Variants in NEB observed in about 807,000 individuals in gnomAD.
The protein encoded by NEB is nebulin, also known as nemaline myopathy type 2.
A neutral mutation model predicts 952.2 loss-of-function variants in NEB; 512 were observed. The observed-to-expected ratio is 0.54, with a 90% CI of 0.50 to 0.58. The LOEUF is 0.58. Among genes scored for constraint, NEB ranks in the 20% least tolerant of loss-of-function variants. The pLI is 0.00. For missense variants in NEB, 8,428 were observed against 9,231.1 expected, an observed-to-expected ratio of 0.91 and a Z score of 3.56; for synonymous variants, 2,900 against 3,149.8, an observed-to-expected ratio of 0.92 and a Z score of 2.66.
At chr2:151,570,629 C>T (rs1330445275) in intron 107 of NEB, 28 bp from the exon 108 acceptor site, 1 of 1,555,330 alleles carries the variant, frequency 6.4e-7, no homozygotes, top group South Asian at 1.2e-5. Context: ...AAGGTATCAT[C>T]CTAGATTCAA....
intron 17 of NEB, 62 bp from the exon 18 acceptor site, chr2:151,695,744 G>A (rs2099591470): frequency 1.6e-6 from 2 of 1,287,274 alleles, no homozygotes; most frequent in African/African-American, 2.9e-5. Context: ...AAATTCTTGT[G>A]TGGTACATTT....
chr2:151,642,933 T>C, intron 58 of NEB, 64 bp from the exon 59 acceptor site: 1 of 1,332,878 alleles, frequency 7.5e-7, no homozygotes, highest in Non-Finnish European at 1.0e-6. Context: ...GCAGACAGTC[T>C]GATTTTTAAT....
intron 145 of NEB, among the ~76,000 whole-genome samples, chr2:151,529,743 G>A (rs766399044): frequency 1.3e-5 from 2 of 152,072 alleles, no homozygotes; most frequent in African/African-American, 4.8e-5. Context: ...TGGCCAGGCT[G>A]GTCTCGAACT....
chr2:151,633,163 T>C (rs2098702159), intron 65 of NEB, among the ~76,000 whole-genome samples: 1 of 152,206 alleles, frequency 6.6e-6, no homozygotes, highest in Non-Finnish European at 1.5e-5. Flanking sequence ...GGCTCTGTCA[T>C]TACCATGTGG....
chr2:151,576,382 G>T, intron 105 of NEB, 28 bp from the exon 106 acceptor site: 4 of 1,553,260 alleles, frequency 2.6e-6, no homozygotes, highest in South Asian at 1.2e-5. Flanking sequence ...GGTAGAAGCA[G>T]GGTTTGTGTT....
At chr2:151,543,139 C>T (rs903821994) in intron 135 of NEB, among the ~76,000 whole-genome samples, 1 of 152,134 alleles carries the variant, frequency 6.6e-6, no homozygotes, top group African/African-American at 2.4e-5. Context: ...TTCAGTGGTA[C>T]GATCCTTTCA....
chr2:151,555,234 G>A (rs1007158163), intron 124 of NEB, among the ~76,000 whole-genome samples, 190 bp from the exon 125 acceptor site: 3 of 152,178 alleles, frequency 2.0e-5, no homozygotes, highest in Admixed American at 6.5e-5. Flanking sequence ...TGGGGTTATC[G>A]TGTGGCTTAA....
intron 52 of NEB, among the ~76,000 whole-genome samples, chr2:151,652,084 T>C (rs1443814499): frequency 6.6e-6 from 1 of 152,150 alleles, no homozygotes; most frequent in Non-Finnish European, 1.5e-5. Flanking sequence ...GAAGTGGAAA[T>C]AGGCTGCTTT....
At chr2:151,540,273 G>C (rs2093866355) in intron 138 of NEB, 71 bp downstream of exon 138, 2 of 892,096 alleles carry the variant, frequency 2.2e-6, no homozygotes, top group African/African-American at 3.4e-5. Context: ...GCTGAAATAT[G>C]TTATGTTTCT....
At position 151,630,625 on chromosome 2, in the gene NEB, T is replaced by C. The variant is rs975363809; in HGVS notation, c.9723+90A>G. On this transcript the variant is annotated intron_variant, in intron 67 of 181. Coordinates refer to ENST00000397345, the MANE Select transcript of NEB (RefSeq NM_001164508.2). The stretch of plus-strand genomic sequence containing the variant: ...TGGAGTGTTAAATGAAAGAGCCACA[T>C]GCACCATGACAGCTGAGGCCCAAGA... The C allele has an allele frequency of 1.1e-5, 11 of 984,304 alleles. No individual in the cohort carries two copies. The South Asian group carries it at 1.3e-4, about 12-fold the overall frequency. The allele number at this position is 984,304 out of a possible 1,614,324, so 61.0% of individuals were successfully genotyped here. A position where few individuals can be genotyped will look rare whatever the true frequency, so the allele number is the denominator to read the frequency against.
At chr2:151,505,809 T>C (rs2068411943) in intron 164 of NEB, 1 of 561,158 alleles carries the variant, frequency 1.8e-6, no homozygotes, top group Non-Finnish European at 3.2e-6. Context: ...GGGGCCCCTA[T>C]TTAGACTGCA....
intron 54 of NEB, 61 bp downstream of exon 54, chr2:151,650,115 C>T: frequency 2.0e-6 from 3 of 1,483,616 alleles, no homozygotes; most frequent in East Asian, 2.3e-5. Context: ...TAAGCAAGTG[C>T]TATTGAGCAA....
At position 151,639,281 on chromosome 2, in the gene NEB, T is replaced by C; in HGVS notation, c.8993A>G (p.Glu2998Gly). ...AAATGTCAAAGAATCTGCTCTCACC[T>C]CACTGTAGTTGATTTTGTTCATTCT... Reference protein sequence around the residue: ...LARMNKINYSESLYKLANEEA... With the variant: ...LARMNKINYSGSLYKLANEEA... The change falls in exon 63 of 182, where the codon GAG becomes GGG. Residue 2998 changes from glutamate to glycine, a missense_variant and splice_region_variant. Around this residue, in one of 11 missense-constraint regions of NEB, gnomAD observed 1,772 missense variants for 1,960.3 expected, o/e 0.90. Transcript: ENST00000397345. The C allele has an allele frequency of 1.3e-6, 2 of 1,536,068 alleles. No homozygotes were observed. The highest frequency in any genetic ancestry group is 1.8e-6 in the Non-Finnish European group (2 of 1,142,796).
intron 145 of NEB, 63 bp downstream of exon 145, chr2:151,530,931 T>TA (rs2090373500): frequency 2.8e-6 from 3 of 1,060,008 alleles, no homozygotes; most frequent in Non-Finnish European, 4.3e-6. Flanking sequence ...GGACCAGGGT[T>TA]TGTTACATCT....
chr2:151,560,734 A>G, intron 123 of NEB, 35 bp from the exon 124 acceptor site: 1 of 1,500,438 alleles, frequency 6.7e-7, no homozygotes, highest in Non-Finnish European at 9.2e-7. Flanking sequence ...TGAATATGGG[A>G]AAATGCATCT....
At chr2:151,541,748 A>T (rs751456572) in intron 135 of NEB, among the ~76,000 whole-genome samples, 197 bp from the exon 136 acceptor site, 9 of 152,056 alleles carry the variant, frequency 5.9e-5, no homozygotes, top group Non-Finnish European at 1.3e-4. Flanking sequence ...AAAACAAGAG[A>T]CATTCTCTAG....
At chr2:151,674,297 GT>G (rs1196388214) in intron 36 of NEB, among the ~76,000 whole-genome samples, 179 bp downstream of exon 36, 1 of 152,182 alleles carries the variant, frequency 6.6e-6, no homozygotes, top group Non-Finnish European at 1.5e-5. Context: ...ACCAAGTGGG[GT>G]CAACTGAAAA....
rs774603877 is a variant in NEB at position 151,485,893 on chromosome 2, G to C, written c.25445C>G (p.Ala8482Gly). ...RAMYDYMAAD[A>G]DEVSFKDGDA... ...TCCATCCTTGAAGGACACCTCATCT[G>C]CATCAGCAGCCATATAGTCATACAT... The change falls in exon 182 of 182, where the codon GCA (alanine) becomes GGA (glycine). Residue 8482 changes from alanine (A) to glycine (G), a missense_variant. Ala to Gly is a moderately conservative substitution (Grantham distance 60). Transcript: ENST00000397345. 8.1e-6 allele frequency: 13 copies of C among 1,613,806 alleles called. No homozygotes were observed. The highest frequency in any genetic ancestry group is 1.1e-5 in the Non-Finnish European group (13 of 1,179,854).
At chr2:151,676,876 T>C (rs1266843815) in intron 34 of NEB, among the ~76,000 whole-genome samples, 1 of 152,232 alleles carries the variant, frequency 6.6e-6, no homozygotes, top group East Asian at 1.9e-4. Context: ...CTATTTCATC[T>C]TTATGCCATC....
Sources: allele counts gnomAD v4.1 joint callset (sites outside exome capture counted in the v4.1 genomes callset), GRCh38; gene constraint gnomAD v4.1.1; regional missense constraint gnomAD v4.1.1; transcripts MANE v1.5; gene names NCBI Gene and HGNC (gene_info 2026-07-23, HGNC 2026-07-21).